Variants in TAFA1 observed in about 807,000 individuals in gnomAD.
TAFA1 encodes chemokine-like protein TAFA-1.
TAFA1 carries 4 observed loss-of-function variants against 18.5 expected under a neutral mutation model. That is an observed-to-expected ratio of 0.22 (90% CI 0.11 to 0.49). The LOEUF (loss-of-function observed/expected upper bound fraction) is 0.49, where lower values mean the gene tolerates loss of function less well. Ranked by LOEUF, TAFA1 falls within the 20% of genes least tolerant of loss-of-function variation. The pLI is 0.98. For missense variants in TAFA1, 147 were observed against 169.0 expected (o/e 0.87, Z 0.72); for synonymous variants, 56 against 55.2 (o/e 1.01, Z -0.06).
chr3:67,997,015 G>A, the TAFA1 span, among the ~76,000 whole-genome samples: 1 of 152,052 alleles, frequency 6.6e-6, no homozygotes. Context: ...GAGGCCAAGA[G>A]AAACTCCATA....
chr3:68,264,158 G>A (rs1179061020), intron 2 of TAFA1, among the ~76,000 whole-genome samples: 3 of 151,870 alleles, frequency 2.0e-5, no homozygotes, highest in Non-Finnish European at 2.9e-5. Flanking sequence ...TAATCCCAGC[G>A]ATTCGGGAGG....
intron 2 of TAFA1, among the ~76,000 whole-genome samples, chr3:68,194,271 C>T (rs36110255): frequency 0.15 from 21,992 of 151,578 alleles, 1,902 homozygotes; most frequent in Middle Eastern, 0.2. Context: ...AACAGTTCTA[C>T]CCTGGGGAGA....
intron 2 of TAFA1, among the ~76,000 whole-genome samples, chr3:68,268,652 G>A (rs937280542): frequency 2.6e-5 from 4 of 152,126 alleles, no homozygotes; most frequent in Admixed American, 6.6e-5. Flanking sequence ...AGGGTCAAAC[G>A]AAGCCCTTTG....
intron 2 of TAFA1, among the ~76,000 whole-genome samples, chr3:68,167,940 C>A (rs1405488541): frequency 1.3e-5 from 2 of 151,758 alleles, no homozygotes; most frequent in South Asian, 2.1e-4. Context: ...ACAGGAGAAC[C>A]CACGTGTTTT....
At chr3:68,454,959 A>G (rs985333929) in intron 3 of TAFA1, among the ~76,000 whole-genome samples, 8 of 152,052 alleles carry the variant, frequency 5.3e-5, no homozygotes, top group African/African-American at 1.7e-4. Flanking sequence ...ATAACTTTTG[A>G]CTCCCCCAAA....
At chr3:67,999,527 TC>T (rs1257111181), upstream of TAFA1, among the ~76,000 whole-genome samples, 1 of 152,130 alleles carries the variant, frequency 6.6e-6, no homozygotes. Flanking sequence ...TTAAGTGCTT[TC>T]TTTTGACTTT....
chr3:68,382,799 G>T (rs2070002935), intron 2 of TAFA1, among the ~76,000 whole-genome samples: 1 of 152,136 alleles, frequency 6.6e-6, no homozygotes, highest in African/African-American at 2.4e-5. Context: ...GCTTTGGACA[G>T]TATGGCCATT....
At chr3:68,202,209 A>G (rs2066476970) in intron 2 of TAFA1, among the ~76,000 whole-genome samples, 1 of 151,794 alleles carries the variant, frequency 6.6e-6, no homozygotes, top group African/African-American at 2.4e-5. Flanking sequence ...TTAGCATAGT[A>G]TATTTTTCTC....
chr3:68,206,370 C>T (rs1302186894), intron 2 of TAFA1, among the ~76,000 whole-genome samples: 6 of 151,750 alleles, frequency 4.0e-5, no homozygotes, highest in African/African-American at 1.5e-4. Context: ...TCTTTTTTCT[C>T]TCTTTAATAT....
At chr3:68,131,328 C>G (rs142062313) in intron 2 of TAFA1, among the ~76,000 whole-genome samples, 4 of 152,088 alleles carry the variant, frequency 2.6e-5, no homozygotes, top group Non-Finnish European at 5.9e-5. Context: ...CGCACACGCA[C>G]GCACACACAC....
chr3:68,247,072 GTAT>G (rs149392161), intron 2 of TAFA1, among the ~76,000 whole-genome samples: 11,487 of 152,082 alleles, frequency 0.076, 540 homozygotes, highest in African/African-American at 0.12. Flanking sequence ...AAACATCGAT[GTAT>G]TATTATTAAT....
chr3:68,531,555 C>T (rs2073188752), intron 3 of TAFA1, among the ~76,000 whole-genome samples: 1 of 152,064 alleles, frequency 6.6e-6, no homozygotes, highest in Admixed American at 6.6e-5. Context: ...TGCTCATGCT[C>T]ATTTGAGGCA....
intron 2 of TAFA1, among the ~76,000 whole-genome samples, chr3:68,042,932 G>A (rs1318846642): frequency 6.6e-6 from 1 of 152,068 alleles, no homozygotes; most frequent in Non-Finnish European, 1.5e-5. Flanking sequence ...CTGTCACCCA[G>A]GCTGGAGTGC....
At chr3:68,407,839 G>A (rs2070640047) in intron 2 of TAFA1, among the ~76,000 whole-genome samples, 1 of 151,974 alleles carries the variant, frequency 6.6e-6, no homozygotes, top group African/African-American at 2.4e-5. Flanking sequence ...GAGGACGCTG[G>A]GAGAGAAAGG....
intron 2 of TAFA1, among the ~76,000 whole-genome samples, chr3:68,020,601 C>A (rs1704666577): frequency 6.6e-6 from 1 of 152,102 alleles, no homozygotes; most frequent in Admixed American, 6.6e-5. Context: ...AAACTGCCTA[C>A]TACTAACCTG....
At chr3:68,202,515 C>T (rs967143483) in intron 2 of TAFA1, among the ~76,000 whole-genome samples, 14 of 151,600 alleles carry the variant, frequency 9.2e-5, no homozygotes, top group South Asian at 2.1e-4. Flanking sequence ...TTCTTTAGCA[C>T]GCTATACTAA....
intron 2 of TAFA1, among the ~76,000 whole-genome samples, chr3:68,384,965 T>C (rs1398065793): frequency 6.6e-6 from 1 of 152,158 alleles, no homozygotes; most frequent in Non-Finnish European, 1.5e-5. Flanking sequence ...ATCTGTTTTG[T>C]CTAAAACAAG....
intron 2 of TAFA1, among the ~76,000 whole-genome samples, chr3:68,259,558 C>T (rs916296434): frequency 6.6e-6 from 1 of 152,108 alleles, no homozygotes; most frequent in Non-Finnish European, 1.5e-5. Flanking sequence ...ATTGATTATT[C>T]CTACCCATGA....
intron 3 of TAFA1, among the ~76,000 whole-genome samples, chr3:68,524,960 C>G (rs138522839): frequency 1.3e-5 from 2 of 152,126 alleles, no homozygotes; most frequent in African/African-American, 4.8e-5. Context: ...CGTGAGCCAA[C>G]GCGCCCGGCC....
Sources: gnomAD v4.1 joint callset for allele counts (sites outside exome capture counted in the v4.1 genomes callset) on GRCh38, gnomAD v4.1.1 for gene constraint, MANE v1.5 for transcripts, NCBI Gene and HGNC (gene_info 2026-07-23, HGNC 2026-07-21) for gene names.